CREB5: variants seen among roughly 807,000 people sequenced by gnomAD.
CREB5 encodes the protein cAMP responsive element binding protein 5, also known as cyclic AMP-responsive element-binding protein 5.
In CREB5, 19 loss-of-function variants were observed where a neutral mutation model predicts 57.1. That is an observed-to-expected ratio of 0.33 (90% CI 0.23 to 0.49). The LOEUF is 0.49. Ranked by LOEUF, CREB5 falls within the 20% of genes least tolerant of loss-of-function variation. The pLI, the probability that CREB5 is intolerant of heterozygous loss-of-function variation, is 0.99. For missense variants in CREB5, 579 were observed against 671.6 expected (o/e 0.86, Z 1.52); for synonymous variants, 238 against 238.3 (o/e 1.00, Z 0.01).
intron 1 of CREB5, among the ~76,000 whole-genome samples, chr7:28,342,479 C>A (rs889988019): frequency 6.6e-6 from 1 of 152,182 alleles, no homozygotes; most frequent in African/African-American, 2.4e-5. Flanking sequence ...TGTAAGTGAT[C>A]AGTACATCAA....
intron 7 of CREB5, among the ~76,000 whole-genome samples, chr7:28,746,660 C>T (rs1804697820): frequency 6.6e-6 from 1 of 152,182 alleles, no homozygotes; most frequent in South Asian, 2.1e-4. Context: ...TGGTTTCTTC[C>T]TATCAAGTCC....
chr7:28,583,264 T>G (rs1417044185), intron 5 of CREB5, among the ~76,000 whole-genome samples: 2 of 152,170 alleles, frequency 1.3e-5, no homozygotes, highest in Non-Finnish European at 2.9e-5. Flanking sequence ...AAAAGTGAAT[T>G]ATTGGGTATG....
intron 1 of CREB5, among the ~76,000 whole-genome samples, chr7:28,327,751 A>C (rs1452879424): frequency 6.6e-6 from 1 of 152,218 alleles, no homozygotes; most frequent in Non-Finnish European, 1.5e-5. Context: ...ATAGGTTCTC[A>C]GAATTTCACT....
chr7:28,303,232 A>G (rs1785130871), intron 1 of CREB5, among the ~76,000 whole-genome samples: 1 of 151,978 alleles, frequency 6.6e-6, no homozygotes, highest in Non-Finnish European at 1.5e-5. Context: ...GATGAACCTT[A>G]TTTATTTGGG....
At chr7:28,387,382 AG>A (rs1787130397) in intron 1 of CREB5, among the ~76,000 whole-genome samples, 1 of 151,802 alleles carries the variant, frequency 6.6e-6, no homozygotes, top group Non-Finnish European at 1.5e-5. Flanking sequence ...TCTTTTGAGA[AG>A]TATTTGTTCA....
At chr7:28,560,863 T>TGTGTGTGTGTGC (rs1795115369) in intron 4 of CREB5, among the ~76,000 whole-genome samples, 1 of 24,214 alleles carries the variant, frequency 4.1e-5, no homozygotes, top group African/African-American at 1.5e-4. Flanking sequence ...TGTGTGCGTG[T>TGTGTGTGTGTGC]GCCTGCGTGC....
intron 4 of CREB5, among the ~76,000 whole-genome samples, chr7:28,567,387 G>A (rs562300795): frequency 6.6e-6 from 1 of 152,264 alleles, no homozygotes; most frequent in South Asian, 2.1e-4. Context: ...GGAACAAAAA[G>A]GTAATGTTTC....
intron 7 of CREB5, among the ~76,000 whole-genome samples, chr7:28,803,346 C>G (rs780884320): frequency 2.2e-4 from 34 of 152,316 alleles, no homozygotes; most frequent in Admixed American, 9.8e-4. Flanking sequence ...ATTACTAACT[C>G]TAATTTTAAG....
At chr7:28,705,710 G>A (rs1802074292) in intron 5 of CREB5, among the ~76,000 whole-genome samples, 1 of 152,190 alleles carries the variant, frequency 6.6e-6, no homozygotes, top group Non-Finnish European at 1.5e-5. Context: ...GTAGGAATAG[G>A]ACTGTCTGAG....
intron 5 of CREB5, among the ~76,000 whole-genome samples, chr7:28,599,022 C>T (rs1796806116): frequency 6.6e-6 from 1 of 152,052 alleles, no homozygotes. Flanking sequence ...TGCTGGCTGA[C>T]AGATTTCAGC....
intron 7 of CREB5, among the ~76,000 whole-genome samples, chr7:28,773,184 CTT>C (rs1806428706): frequency 6.6e-6 from 1 of 151,978 alleles, no homozygotes; most frequent in Non-Finnish European, 1.5e-5. Flanking sequence ...AAAAAAATCA[CTT>C]TAAGACTGTT....
chr7:28,472,139 C>G (rs1476457328), intron 1 of CREB5, among the ~76,000 whole-genome samples: 7 of 132,166 alleles, frequency 5.3e-5, no homozygotes, highest in Non-Finnish European at 1.1e-4. Context: ...AATACGTCAT[C>G]TTATAGTCAA....
chr7:28,580,588 TGTGTGAGA>T (rs971361375), intron 5 of CREB5, among the ~76,000 whole-genome samples: 22 of 146,108 alleles, frequency 1.5e-4, no homozygotes, highest in Admixed American at 1.0e-3. Context: ...TGTGTGTGTG[TGTGTGAGA>T]GAGAGATAGA....
chr7:28,695,121 G>C (rs940146182), intron 5 of CREB5, among the ~76,000 whole-genome samples: 3 of 152,116 alleles, frequency 2.0e-5, no homozygotes, highest in African/African-American at 7.2e-5. Flanking sequence ...CAGCCACTTG[G>C]GAGACTGAAG....
chr7:28,452,886 C>A (rs1789893809), intron 1 of CREB5, among the ~76,000 whole-genome samples: 1 of 152,068 alleles, frequency 6.6e-6, no homozygotes, highest in South Asian at 2.1e-4. Context: ...GGGGTGGGAC[C>A]AATGGGGAAA....
chr7:28,658,985 A>ATATATATATATATG (rs1799479877), intron 5 of CREB5, among the ~76,000 whole-genome samples: 1 of 142,504 alleles, frequency 7.0e-6, no homozygotes, highest in Non-Finnish European at 1.5e-5. Context: ...ATATATGTAT[A>ATATATATATATATG]TATAAGTCAT....
chr7:28,668,958 C>G (rs557698544), intron 5 of CREB5, among the ~76,000 whole-genome samples: 1 of 152,170 alleles, frequency 6.6e-6, no homozygotes, highest in East Asian at 1.9e-4. Context: ...TGCTCTGAGG[C>G]CCCGTGTAGT....
chr7:28,489,460 C>T (rs764319101), intron 2 of CREB5, among the ~76,000 whole-genome samples: 42 of 151,934 alleles, frequency 2.8e-4, no homozygotes, highest in Admixed American at 3.9e-4. Flanking sequence ...CCACCACGCC[C>T]GGGTAATTTT....
chr7:28,581,900 A>C (rs1796136684), intron 5 of CREB5, among the ~76,000 whole-genome samples: 1 of 152,208 alleles, frequency 6.6e-6, no homozygotes, highest in African/African-American at 2.4e-5. Flanking sequence ...TCACAGATGT[A>C]GTGCCAGGGT....
Sources: gnomAD v4.1 joint callset for allele counts (sites outside exome capture counted in the v4.1 genomes callset) on GRCh38, gnomAD v4.1.1 for gene constraint, MANE v1.5 for transcripts, NCBI Gene and HGNC (gene_info 2026-07-23, HGNC 2026-07-21) for gene names.